Variants in FRMD3 observed in about 807,000 individuals in gnomAD.
FRMD3 encodes FERM domain-containing protein 3.
FRMD3 carries 33 observed loss-of-function variants against 70.2 expected under a neutral mutation model. That is an observed-to-expected ratio of 0.47 (90% CI 0.36 to 0.63). The LOEUF is 0.63. Ranked by LOEUF, FRMD3 falls within the 20% of genes least tolerant of loss-of-function variation. FRMD3 has a pLI of 0.00. For synonymous variants in FRMD3, 279 were observed against 255.9 expected (o/e 1.09, Z -0.86); for missense variants, 632 against 711.4 (o/e 0.89, Z 1.27).
In FRMD3 at chr9:83,244,722, T is replaced by G. The variant is rs1294283541; in HGVS notation, c.*3196A>C. 1 of 984,814 alleles carries G rather than the reference T, an allele frequency of 1.0e-6. No homozygotes were observed. The highest frequency in any genetic ancestry group is 1.7e-5 in the African/African-American group (1 of 57,222). 61.0% of individuals were successfully genotyped at this position (984,814 alleles called of 1,614,324 possible). A position where few individuals can be genotyped will look rare whatever the true frequency, so the allele number is the denominator to read the frequency against. On this transcript the variant is annotated 3_prime_UTR_variant, in exon 14 of 14. Coordinates refer to ENST00000304195, the MANE Select transcript of FRMD3 (RefSeq NM_174938.6). Reference sequence around the variant, plus strand: ...AAATGCAAATTTCACTATACAAAGGTAAGGCTCCAATCACAGTAACATGGC... The same window carrying G: ...AAATGCAAATTTCACTATACAAAGGGAAGGCTCCAATCACAGTAACATGGC...
At position 83,445,989 on chromosome 9, in the gene FRMD3, C is replaced by T. The variant is rs1274766177; in HGVS notation, c.148-56281G>A. Among the ~76,000 whole-genome samples, 7 of 152,290 alleles carry T rather than the reference C, an allele frequency of 4.6e-5. No homozygotes were observed. The East Asian group carries it at 9.7e-4, about 21-fold the overall frequency. On this transcript the variant is annotated intron_variant, in intron 1 of 13. Coordinates refer to ENST00000304195, the MANE Select transcript of FRMD3 (RefSeq NM_174938.6). Reference sequence around the variant, plus strand: ...ATCTCATTTAATCTTCAGAATGACCCTGTATGTTTCTGTTATTCTCCTTAC... The same window carrying T: ...ATCTCATTTAATCTTCAGAATGACCTTGTATGTTTCTGTTATTCTCCTTAC...
intron 1 of FRMD3, among the ~76,000 whole-genome samples, chr9:83,486,437 T>G (rs902833536): frequency 2.0e-5 from 3 of 152,166 alleles, no homozygotes; most frequent in African/African-American, 7.2e-5. Flanking sequence ...AGCCAAGCTC[T>G]TCCCCAGCCC....
At chr9:83,441,640 T>G (rs1827298567) in intron 1 of FRMD3, among the ~76,000 whole-genome samples, 1 of 152,212 alleles carries the variant, frequency 6.6e-6, no homozygotes, top group Non-Finnish European at 1.5e-5. Flanking sequence ...AGAAAACATC[T>G]GTTTCCTAAT....
intron 3 of FRMD3, among the ~76,000 whole-genome samples, chr9:83,371,078 G>A (rs750830701): frequency 1.3e-5 from 2 of 152,066 alleles, no homozygotes; most frequent in African/African-American, 2.4e-5. Flanking sequence ...TCAAAACTGG[G>A]TATGGCTTAA....
chr9:83,559,944 T>C, the FRMD3 span, among the ~76,000 whole-genome samples: 1 of 152,142 alleles, frequency 6.6e-6, no homozygotes, highest in African/African-American at 2.4e-5. Flanking sequence ...TATAAGTATA[T>C]ACAGAGTTTT....
chr9:83,547,253 A>G, the FRMD3 span, among the ~76,000 whole-genome samples: 2 of 146,816 alleles, frequency 1.4e-5, no homozygotes, highest in African/African-American at 2.5e-5. Flanking sequence ...TCATATAATT[A>G]TTATTATATA....
Position 83,313,766 on chromosome 9 carries a change from A to G in FRMD3, c.597-19T>C. On this transcript the variant is annotated intron_variant, in intron 6 of 13. Transcript: ENST00000304195. Reference sequence around the variant, plus strand: ...CTGCCCCCTAAAATCACACAAGAAAAGTTGAGGCAGTTAAAATGGAAAAGA... The same window carrying G: ...CTGCCCCCTAAAATCACACAAGAAAGGTTGAGGCAGTTAAAATGGAAAAGA... 1 of 1,581,456 alleles carries G rather than the reference A, an allele frequency of 6.3e-7. No homozygotes were observed. The highest frequency in any genetic ancestry group is 8.7e-7 in the Non-Finnish European group (1 of 1,150,298).
At chr9:83,268,408 A>T (rs1220708375) in intron 13 of FRMD3, among the ~76,000 whole-genome samples, 3 of 152,250 alleles carry the variant, frequency 2.0e-5, no homozygotes, top group Non-Finnish European at 4.4e-5. Flanking sequence ...AACCCTGAGA[A>T]AATAATCAGA....
intron 1 of FRMD3, among the ~76,000 whole-genome samples, chr9:83,430,590 C>T (rs1206122425): frequency 6.6e-6 from 1 of 151,930 alleles, no homozygotes; most frequent in Non-Finnish European, 1.5e-5. Flanking sequence ...AAAAGAAAAA[C>T]TTTTTTTTCA....
the FRMD3 span, among the ~76,000 whole-genome samples, chr9:83,545,846 G>A: frequency 6.6e-6 from 1 of 152,150 alleles, no homozygotes. Flanking sequence ...GATACAAGAA[G>A]CTCAGAGAAC....
intron 1 of FRMD3, among the ~76,000 whole-genome samples, chr9:83,424,447 C>T (rs907920258): frequency 2.9e-4 from 44 of 152,176 alleles, no homozygotes; most frequent in African/African-American, 1.1e-3. Flanking sequence ...TAAGAGAAAG[C>T]CTGCCCGGTA....
chr9:83,332,776 C>A (rs1019096358), intron 6 of FRMD3, among the ~76,000 whole-genome samples: 1 of 152,154 alleles, frequency 6.6e-6, no homozygotes, highest in Non-Finnish European at 1.5e-5. Context: ...AACTGGAATC[C>A]TCTCAGGAAG....
At chr9:83,554,955 C>A in the FRMD3 span, among the ~76,000 whole-genome samples, 1 of 152,180 alleles carries the variant, frequency 6.6e-6, no homozygotes, top group East Asian at 1.9e-4. Context: ...GTGAATGCTG[C>A]AAAATGACAA....
chr9:83,423,519 C>T (rs1212630584), intron 1 of FRMD3, among the ~76,000 whole-genome samples: 3 of 149,826 alleles, frequency 2.0e-5, no homozygotes, highest in Non-Finnish European at 4.4e-5. Context: ...TTGGTAGCCA[C>T]GAACCACATG....
At chr9:83,392,572 G>T (rs566211098) in intron 1 of FRMD3, among the ~76,000 whole-genome samples, 1 of 152,096 alleles carries the variant, frequency 6.6e-6, no homozygotes, top group Non-Finnish European at 1.5e-5. Context: ...GAAGATAGAG[G>T]TTCCTTCCCT....
intron 1 of FRMD3, among the ~76,000 whole-genome samples, chr9:83,489,510 TCAA>T (rs1828767574): frequency 6.6e-6 from 1 of 152,084 alleles, no homozygotes; most frequent in African/African-American, 2.4e-5. Context: ...GAAAAAATGC[TCAA>T]CATCACTAAT....
At chr9:83,339,947 C>G (rs1418905245) in intron 5 of FRMD3, among the ~76,000 whole-genome samples, 1 of 152,030 alleles carries the variant, frequency 6.6e-6, no homozygotes, top group African/African-American at 2.4e-5. Flanking sequence ...AGTCATTTAA[C>G]GAAATGTTAA....
Position 83,349,689 on chromosome 9 carries a change from C to G in FRMD3, c.364G>C (p.Glu122Gln). The change falls in exon 4 of 14, where the codon GAG (glutamate) becomes CAG (glutamine). Residue 122 changes from glutamate (E) to glutamine (Q), a missense_variant. Around this residue, in one of 3 missense-constraint regions of FRMD3, gnomAD observed 208 missense variants for 247.7 expected, o/e 0.84. Coordinates refer to ENST00000304195, the MANE Select transcript of FRMD3 (RefSeq NM_174938.6). ...YPHEPLKIKE[E>Q]LTRYLLYLQI... is the part of the protein sequence containing the mutation. ...ACAAACAAAAAATACCTTGTGAGCT[C>G]TTCTTTAATCTTCAAGGGTTCATGT... 1 of 1,609,544 alleles carries G rather than the reference C, an allele frequency of 6.2e-7. No homozygotes were observed. The highest frequency in any genetic ancestry group is 1.1e-5 in the South Asian group (1 of 90,470).
chr9:83,512,449 T>C (rs1829358766), intron 1 of FRMD3, among the ~76,000 whole-genome samples: 1 of 152,222 alleles, frequency 6.6e-6, no homozygotes, highest in Admixed American at 6.5e-5. Context: ...AGTATCACTT[T>C]AGAGAGAAGA....
Sources: gnomAD v4.1 joint callset for allele counts (sites outside exome capture counted in the v4.1 genomes callset) on GRCh38, gnomAD v4.1.1 for gene constraint, gnomAD v4.1.1 regional missense constraint, MANE v1.5 for transcripts, NCBI Gene and HGNC (gene_info 2026-07-23, HGNC 2026-07-21) for gene names.